The following HIBADH variants were observed in gnomAD, a reference collection of about 807,000 sequenced individuals.
HIBADH encodes 3-hydroxyisobutyrate dehydrogenase.
Under a neutral mutation model 36.1 loss-of-function variants are expected in HIBADH, and 25 were observed. That is an observed-to-expected ratio of 0.69 (90% CI 0.50 to 0.97). The LOEUF is 0.97. HIBADH is among the 50% of genes least tolerant of loss of function. The probability of loss-of-function intolerance (pLI) is 0.00; values close to 1 mark genes in which losing one functional copy is unlikely to be tolerated. For missense variants in HIBADH, 421 were observed against 418.0 expected (o/e 1.01, Z -0.06); for synonymous variants, 160 against 149.5 (o/e 1.07, Z -0.51).
intron 6 of HIBADH, among the ~76,000 whole-genome samples, chr7:27,535,701 TCTAATA>T (rs1562612890): frequency 6.6e-6 from 1 of 151,922 alleles, no homozygotes; most frequent in Admixed American, 6.6e-5. Flanking sequence ...AGCAGAAAGG[TCTAATA>T]AAAAAGGAAT....
At chr7:27,528,414 C>A (rs181337533) in intron 7 of HIBADH, among the ~76,000 whole-genome samples, 2 of 152,172 alleles carry the variant, frequency 1.3e-5, no homozygotes, top group African/African-American at 4.8e-5. Context: ...CAGTAGAATG[C>A]AAAGAAAAAA....
At chr7:27,576,571 T>G (rs10256159) in intron 4 of HIBADH, among the ~76,000 whole-genome samples, 1,725 of 152,334 alleles carry the variant, frequency 0.011, 40 homozygotes, top group African/African-American at 0.039. Context: ...AATGCTATAT[T>G]GTTTCTCTTA....
chr7:27,534,650 G>A (rs1784047777), intron 6 of HIBADH, among the ~76,000 whole-genome samples: 1 of 152,054 alleles, frequency 6.6e-6, no homozygotes, highest in Non-Finnish European at 1.5e-5. Context: ...ATATGGCAAT[G>A]AGTAAACAAA....
intron 4 of HIBADH, among the ~76,000 whole-genome samples, chr7:27,584,006 T>C (rs955128161): frequency 2.4e-4 from 37 of 152,032 alleles, no homozygotes; most frequent in Non-Finnish European, 8.8e-5. Flanking sequence ...ATTTTCATAG[T>C]AGATTAAATG....
intron 4 of HIBADH, among the ~76,000 whole-genome samples, chr7:27,626,090 G>A (rs1785636529): frequency 9.4e-6 from 1 of 106,498 alleles, no homozygotes; most frequent in African/African-American, 3.8e-5. Flanking sequence ...GTGACACAGT[G>A]AGACTCCGTC....
rs537587500 is a variant in HIBADH, at chr7:27,561,266, T to C, written c.485-18166A>G. ...TATATTTTCAAATTCCACTCAAAACTTGCATTCTCAGTTTCTTAAAAGTCC... is the reference window on the plus strand; with the variant it reads ...TATATTTTCAAATTCCACTCAAAACCTGCATTCTCAGTTTCTTAAAAGTCC... On this transcript the variant is annotated intron_variant, in intron 4 of 7. Transcript: ENST00000265395. 4.2e-4 allele frequency among the ~76,000 whole-genome samples: 64 copies of C among 152,294 alleles called. No homozygotes were observed. The South Asian group carries it at 0.012, about 28-fold the overall frequency.
At chr7:27,605,456 CTT>C (rs751819411) in intron 4 of HIBADH, among the ~76,000 whole-genome samples, 4,871 of 89,852 alleles carry the variant, frequency 0.054, 334 homozygotes, top group African/African-American at 0.16. Context: ...CCTGCTGACA[CTT>C]TTTTTTTTTT....
intron 4 of HIBADH, among the ~76,000 whole-genome samples, chr7:27,581,615 C>T (rs1336998457): frequency 3.3e-5 from 5 of 151,966 alleles, no homozygotes; most frequent in Non-Finnish European, 5.9e-5. Context: ...CAACATATTT[C>T]GATAAATGTA....
At chr7:27,656,604 A>C (rs976075110) in intron 1 of HIBADH, among the ~76,000 whole-genome samples, 1 of 152,082 alleles carries the variant, frequency 6.6e-6, no homozygotes, top group African/African-American at 2.4e-5. Context: ...AATTTTTCTG[A>C]TTTTCTGTAT....
rs1372447633 is a variant in HIBADH at position 27,662,741 on chromosome 7, G to A, written c.48C>T (p.Tyr16=). ...RLLGAASGLR[Y]WSRRLRPAAG... Reference sequence around the variant, plus strand: ...CTGCCGGCCGCAGCCGCCGGCTCCAGTACCGGAGACCGGAGGCAGCTCCGA... The same window carrying A: ...CTGCCGGCCGCAGCCGCCGGCTCCAATACCGGAGACCGGAGGCAGCTCCGA... The change falls in exon 1 of 8, where the codon TAC becomes TAT. Residue 16 remains tyrosine, a synonymous_variant. Coordinates refer to ENST00000265395, the MANE Select transcript of HIBADH (RefSeq NM_152740.4). The A allele has an allele frequency of 4.2e-6, 6 of 1,424,402 alleles. No individual in the cohort carries two copies. The South Asian group carries it at 4.3e-5, about 10-fold the overall frequency. 88.2% of individuals were successfully genotyped at this position (1,424,402 alleles called of 1,614,324 possible). A position where few individuals can be genotyped will look rare whatever the true frequency, so the allele number is the denominator to read the frequency against.
At chr7:27,552,859 C>T (rs775398382) in intron 4 of HIBADH, among the ~76,000 whole-genome samples, 30 of 152,198 alleles carry the variant, frequency 2.0e-4, no homozygotes, top group Non-Finnish European at 3.8e-4. Context: ...GTCACTGCAG[C>T]AGTTCCTCTG....
At position 27,538,321 on chromosome 7, in the gene HIBADH, A is replaced by T. The variant is rs376449572; in HGVS notation, c.695+20T>A. The T allele has an allele frequency of 3.2e-6, 5 of 1,584,374 alleles. No individual in the cohort carries two copies. Among genetic ancestry groups the T allele is most frequent in the Non-Finnish European group, 4.3e-6 (5 of 1,154,904 alleles). Reference sequence around the variant, plus strand: ...AAAGCCTATAAAAATGTTAGTATAAAAACGTACTATTCAACAAACCTGATT... The same window carrying T: ...AAAGCCTATAAAAATGTTAGTATAATAACGTACTATTCAACAAACCTGATT... On this transcript the variant is annotated intron_variant, in intron 6 of 7. Transcript: ENST00000265395.
chr7:27,616,945 AGTAAAAAT>A (rs1785441737), intron 4 of HIBADH, among the ~76,000 whole-genome samples: 1 of 152,250 alleles, frequency 6.6e-6, no homozygotes. Flanking sequence ...AAGTTTGTAA[AGTAAAAAT>A]GTTACAGTAA....
chr7:27,592,284 T>C (rs1784950353), intron 4 of HIBADH, among the ~76,000 whole-genome samples: 1 of 152,166 alleles, frequency 6.6e-6, no homozygotes, highest in African/African-American at 2.4e-5. Flanking sequence ...TCCCTGAGGG[T>C]CCATTTATCT....
chr7:27,644,654 ACT>A (rs1019426328), intron 2 of HIBADH, among the ~76,000 whole-genome samples: 14 of 151,088 alleles, frequency 9.3e-5, no homozygotes, highest in Non-Finnish European at 1.8e-4. Context: ...AGTCACAGCT[ACT>A]CGGGAGGCTG....
intron 4 of HIBADH, among the ~76,000 whole-genome samples, chr7:27,553,821 G>GT (rs1453082509): frequency 6.6e-6 from 1 of 152,110 alleles, no homozygotes; most frequent in Non-Finnish European, 1.5e-5. Flanking sequence ...TGCAAATAAC[G>GT]TATCTTTCAG....
chr7:27,626,946 A>G (rs899696246), intron 4 of HIBADH, among the ~76,000 whole-genome samples: 10 of 152,162 alleles, frequency 6.6e-5, no homozygotes, highest in Admixed American at 5.2e-4. Flanking sequence ...CTTCTATAAA[A>G]CTGTGGGCCC....
At chr7:27,615,959 C>T (rs1785416917) in intron 4 of HIBADH, among the ~76,000 whole-genome samples, 1 of 152,072 alleles carries the variant, frequency 6.6e-6, no homozygotes, top group South Asian at 2.1e-4. Flanking sequence ...AAATGGACTA[C>T]CATTTAGTGT....
At chr7:27,605,486 G>A (rs1238298233) in intron 4 of HIBADH, among the ~76,000 whole-genome samples, 4 of 118,710 alleles carry the variant, frequency 3.4e-5, no homozygotes, top group African/African-American at 6.7e-5. Context: ...ACAAGACCCA[G>A]GGAGGGGGGT....
Sources: gnomAD v4.1 joint callset for allele counts (sites outside exome capture counted in the v4.1 genomes callset) on GRCh38, gnomAD v4.1.1 for gene constraint, MANE v1.5 for transcripts, NCBI Gene and HGNC (gene_info 2026-07-23, HGNC 2026-07-21) for gene names.